Variants in SLC9B1 observed in about 807,000 individuals in gnomAD.
SLC9B1 encodes solute carrier family 9 member B1.
In SLC9B1, 32 loss-of-function variants were observed where a neutral mutation model predicts 51.7. The ratio of observed to expected loss-of-function variants is 0.62; its 90% confidence interval spans 0.47 to 0.83. The LOEUF (loss-of-function observed/expected upper bound fraction) is 0.83. SLC9B1 is among the 40% of genes least tolerant of loss of function. The probability of loss-of-function intolerance (pLI) is 0.00; values close to 1 mark genes in which losing one functional copy is unlikely to be tolerated. For missense variants in SLC9B1, 406 were observed against 613.2 expected (o/e 0.66, Z 3.57); for synonymous variants, 145 against 212.7 (o/e 0.68, Z 2.77).
intron 1 of SLC9B1, among the ~76,000 whole-genome samples, chr4:102,995,735 T>C (rs1280030598): frequency 6.6e-6 from 1 of 152,190 alleles, no homozygotes; most frequent in Non-Finnish European, 1.5e-5. Context: ...AACTCTTCTC[T>C]TATCTTTTCA....
At chr4:102,991,083 C>G (rs142174164) in intron 2 of SLC9B1, among the ~76,000 whole-genome samples, 180 of 152,070 alleles carry the variant, frequency 1.2e-3, no homozygotes, top group African/African-American at 4.3e-3. Context: ...ACTAAGATGA[C>G]TTCTTCACAG....
intron 3 of SLC9B1, among the ~76,000 whole-genome samples, chr4:102,979,553 C>T (rs571828912): frequency 1.3e-4 from 20 of 152,238 alleles, no homozygotes; most frequent in Admixed American, 1.3e-4. Flanking sequence ...GGAGGAGACA[C>T]GATCTATGGA....
chr4:102,888,156 A>C (rs1056184206), intron 11 of SLC9B1: 1 of 99,156 alleles, frequency 1.0e-5, no homozygotes, highest in African/African-American at 6.3e-5. Flanking sequence ...GGGCTGCTGC[A>C]ATTTGAAGAT....
At chr4:102,955,920 G>C (rs1233256958) in intron 3 of SLC9B1, among the ~76,000 whole-genome samples, 1 of 151,654 alleles carries the variant, frequency 6.6e-6, no homozygotes, top group Non-Finnish European at 1.5e-5. Flanking sequence ...AGACCCACAT[G>C]CAAGGCTAGA....
chr4:102,997,972 A>G (rs1740314936), intron 1 of SLC9B1, among the ~76,000 whole-genome samples: 1 of 152,134 alleles, frequency 6.6e-6, no homozygotes, highest in African/African-American at 2.4e-5. Context: ...TTTGGCTGAT[A>G]CTAATCACAA....
At chr4:102,907,423 AT>A (rs2110428455) in intron 9 of SLC9B1, among the ~76,000 whole-genome samples, 1 of 152,380 alleles carries the variant, frequency 6.6e-6, no homozygotes, top group African/African-American at 2.4e-5. Context: ...AGGAAAAACA[AT>A]TTGGAAGTCT....
At chr4:102,987,231 C>A (rs2110515450) in intron 3 of SLC9B1, among the ~76,000 whole-genome samples, 1 of 152,144 alleles carries the variant, frequency 6.6e-6, no homozygotes, top group African/African-American at 2.4e-5. Context: ...TTAGTTGGTG[C>A]AGGATGGTTA....
chr4:102,894,892 C>T (rs531531357), intron 11 of SLC9B1, among the ~76,000 whole-genome samples: 1 of 152,110 alleles, frequency 6.6e-6, no homozygotes, highest in African/African-American at 2.4e-5. Context: ...GAGATCCCAC[C>T]ACTGCACTCC....
intron 1 of SLC9B1, among the ~76,000 whole-genome samples, chr4:103,019,176 G>A (rs1032230526): frequency 6.6e-6 from 1 of 152,076 alleles, no homozygotes; most frequent in Non-Finnish European, 1.5e-5. Context: ...GGGGAAGAGA[G>A]CTTTCTCAGG....
rs1380482661 is a variant in SLC9B1, at chr4:102,929,019, A to G, written c.829+3105T>C. Among the ~76,000 whole-genome samples the G allele has an allele frequency of 3.3e-5, 5 of 152,102 alleles. No homozygotes were observed. The East Asian group carries it at 7.7e-4, about 23-fold the overall frequency. Reference sequence around the variant, plus strand: ...TCTAGCCATGCTGGCAGCTGATTTTATGGTGCCGACCCACACTGAGGGTGG... The same window carrying G: ...TCTAGCCATGCTGGCAGCTGATTTTGTGGTGCCGACCCACACTGAGGGTGG... On this transcript the variant is annotated intron_variant, in intron 7 of 11. Transcript: ENST00000296422.
chr4:103,004,325 C>G (rs1287946531), intron 1 of SLC9B1, among the ~76,000 whole-genome samples: 5 of 152,080 alleles, frequency 3.3e-5, no homozygotes, highest in Non-Finnish European at 7.4e-5. Context: ...AGACCAAGCT[C>G]AGGAAATAAT....
At chr4:103,007,753 T>C (rs1385820559) in intron 1 of SLC9B1, among the ~76,000 whole-genome samples, 2 of 151,948 alleles carry the variant, frequency 1.3e-5, no homozygotes, top group South Asian at 2.1e-4. Context: ...TACAGACATG[T>C]CATGTCTGGT....
chr4:102,910,267 T>A (rs1735275866), intron 9 of SLC9B1, among the ~76,000 whole-genome samples, 172 bp downstream of exon 9: 1 of 152,182 alleles, frequency 6.6e-6, no homozygotes, highest in African/African-American at 2.4e-5. Context: ...CATATTAGTA[T>A]ATTTCCAGGT....
At chr4:102,918,469 C>T (rs1413629766) in intron 7 of SLC9B1, among the ~76,000 whole-genome samples, 1 of 152,218 alleles carries the variant, frequency 6.6e-6, no homozygotes, top group Non-Finnish European at 1.5e-5. Flanking sequence ...AGAACAACAA[C>T]TCAATAACAA....
chr4:103,002,579 A>G (rs567852895), intron 1 of SLC9B1, among the ~76,000 whole-genome samples: 11 of 152,360 alleles, frequency 7.2e-5, no homozygotes, highest in African/African-American at 2.6e-4. Flanking sequence ...TTAGGAAGTA[A>G]AAAAGAGTCT....
chr4:102,908,779 A>C (rs1735188653), intron 9 of SLC9B1, among the ~76,000 whole-genome samples: 1 of 152,312 alleles, frequency 6.6e-6, no homozygotes. Flanking sequence ...CCATAAACAA[A>C]GTTGAAGATA....
intron 1 of SLC9B1, among the ~76,000 whole-genome samples, chr4:103,015,321 A>C (rs1264009376): frequency 2.0e-5 from 3 of 151,774 alleles, no homozygotes; most frequent in Non-Finnish European, 4.4e-5. Flanking sequence ...ATTTTTTTTA[A>C]TGTTGACCAG....
intron 7 of SLC9B1, among the ~76,000 whole-genome samples, chr4:102,915,106 A>G (rs953923052): frequency 6.7e-6 from 1 of 149,188 alleles, no homozygotes; most frequent in African/African-American, 2.4e-5. Context: ...GCTGAAAGAA[A>G]AAAAAAAAAC....
chr4:102,977,312 A>T (rs1401119134), intron 3 of SLC9B1, among the ~76,000 whole-genome samples: 1 of 149,694 alleles, frequency 6.7e-6, no homozygotes, highest in Non-Finnish European at 1.5e-5. Flanking sequence ...AAAAAAAAAA[A>T]AAAACAGAAA....
Sources: allele counts gnomAD v4.1 joint callset (sites outside exome capture counted in the v4.1 genomes callset), GRCh38; gene constraint gnomAD v4.1.1; transcripts MANE v1.5; gene names NCBI Gene and HGNC (gene_info 2026-07-23, HGNC 2026-07-21).